The following IPO11 variants were observed in gnomAD, a reference collection of about 807,000 sequenced individuals.
IPO11 encodes the protein importin-11.
IPO11 carries 66 observed loss-of-function variants against 143.2 expected under a neutral mutation model. The observed-to-expected ratio is 0.46, with a 90% CI of 0.38 to 0.57. The LOEUF is 0.57. IPO11 is among the 20% of genes least tolerant of loss of function. The pLI, the probability that IPO11 is intolerant of heterozygous loss-of-function variation, is 0.00. For synonymous variants in IPO11, 385 were observed against 377.8 expected (o/e 1.02, Z -0.22); for missense variants, 1,026 against 1,141.0 (o/e 0.90, Z 1.45).
At chr5:62,557,434 C>T (rs1418671969) in intron 26 of IPO11, among the ~76,000 whole-genome samples, 6 of 152,204 alleles carry the variant, frequency 3.9e-5, no homozygotes, top group African/African-American at 1.2e-4. Context: ...CCACCCGCCT[C>T]GGCCTCCCAA....
intron 27 of IPO11, among the ~76,000 whole-genome samples, chr5:62,574,717 A>C (rs1397808310): frequency 6.6e-6 from 1 of 152,198 alleles, no homozygotes; most frequent in Non-Finnish European, 1.5e-5. Context: ...CGCAATGAGG[A>C]TGGTACCTAA....
intron 28 of IPO11, chr5:62,601,464 A>C (rs745312831): frequency 2.4e-5 from 5 of 208,806 alleles, no homozygotes; most frequent in Non-Finnish European, 4.7e-5. Flanking sequence ...AAGTGTATAC[A>C]TGCATTACTT....
chr5:62,426,739 G>A (rs1743756091), intron 1 of IPO11, among the ~76,000 whole-genome samples: 1 of 150,818 alleles, frequency 6.6e-6, no homozygotes, highest in Non-Finnish European at 1.5e-5. Flanking sequence ...ATAATTTGAT[G>A]TGTTTACTGC....
intron 19 of IPO11, among the ~76,000 whole-genome samples, chr5:62,513,881 G>A (rs1417598222): frequency 3.3e-5 from 5 of 150,146 alleles, no homozygotes; most frequent in African/African-American, 7.4e-5. Context: ...CAGACGGGGC[G>A]GCCGGGCAGA....
chr5:62,536,857 G>C (rs902544152), intron 23 of IPO11, 76 bp downstream of exon 23: 11 of 1,320,006 alleles, frequency 8.3e-6, no homozygotes, highest in Non-Finnish European at 1.1e-5. Flanking sequence ...CAGGGGGTAC[G>C]TTTTCAAAAT....
chr5:62,437,094 T>A (rs1326924427), intron 1 of IPO11, among the ~76,000 whole-genome samples, 180 bp from the exon 2 acceptor site: 1 of 152,148 alleles, frequency 6.6e-6, no homozygotes, highest in Non-Finnish European at 1.5e-5. Flanking sequence ...AAAAATAATT[T>A]GATTATGAAT....
rs559777341 is a variant in IPO11, at chr5:62,559,245, G to A, written c.2461-1891G>A. On this transcript the variant is annotated intron_variant, in intron 26 of 29. Coordinates refer to ENST00000325324, the MANE Select transcript of IPO11 (RefSeq NM_016338.5). ...TTCACGAATGAGAGGATTGACTCCA[G>A]TTGTGACAGAAATTCTACTGAAGAC... 4.0e-3 allele frequency among the ~76,000 whole-genome samples: 615 copies of A among 152,216 alleles called. 6 individuals are homozygous for A. The highest frequency in any genetic ancestry group is 3.0e-3 in the Non-Finnish European group (205 of 68,032).
intron 27 of IPO11, among the ~76,000 whole-genome samples, chr5:62,565,502 A>T (rs527301197): frequency 6.6e-6 from 1 of 152,222 alleles, no homozygotes; most frequent in South Asian, 2.1e-4. Flanking sequence ...AACAAAACAA[A>T]ACAAAACCGA....
Position 62,627,342 on chromosome 5 carries a change from C to G in IPO11, c.*24C>G. 1 of 1,592,436 alleles carries G rather than the reference C, an allele frequency of 6.3e-7. No homozygotes were observed. On this transcript the variant is annotated 3_prime_UTR_variant, in exon 30 of 30. Transcript: ENST00000325324. ...AAGAGCACATGACATGTGGCTGCCTCCCCTTTCAGAAACAAGCTGAGTAAC... is the reference window on the plus strand; with the variant it reads ...AAGAGCACATGACATGTGGCTGCCTGCCCTTTCAGAAACAAGCTGAGTAAC...
intron 1 of IPO11, among the ~76,000 whole-genome samples, chr5:62,414,818 AGGTAATGCACAAACC>A (rs1743230642): frequency 1.3e-5 from 2 of 152,222 alleles, no homozygotes; most frequent in Non-Finnish European, 2.9e-5. Context: ...AAGAACACTG[AGGTAATGCACAAACC>A]GGTATAAAAA....
At position 62,451,753 on chromosome 5, in the gene IPO11, C is replaced by G. The variant is rs34933123; in HGVS notation, c.336C>G (p.Leu112=). 2,701 of 1,614,056 alleles carry G rather than the reference C, an allele frequency of 1.7e-3. 43 individuals carry two copies. The African/African-American group carries it at 0.032, about 19-fold the overall frequency. The change falls in exon 5 of 30, where the codon CTC becomes CTG. Residue 112 remains leucine (L), a synonymous_variant. Transcript: ENST00000325324. ...INQIATQIAV[L]IAKVARLDCP... ...AGATTGCAACTCAGATTGCAGTGCT[C>G]ATTGCAAAAGTTGCTAGATTGGATT...
chr5:62,527,529 G>T (rs770000443), intron 21 of IPO11, among the ~76,000 whole-genome samples: 4 of 152,202 alleles, frequency 2.6e-5, no homozygotes, highest in Middle Eastern at 3.4e-3. Flanking sequence ...AAATAATTTT[G>T]TGCAAACATG....
intron 15 of IPO11, among the ~76,000 whole-genome samples, 162 bp downstream of exon 15, chr5:62,490,382 G>C (rs1746562032): frequency 6.6e-6 from 1 of 152,216 alleles, no homozygotes; most frequent in African/African-American, 2.4e-5. Flanking sequence ...CATCTAGGAA[G>C]TATTTGATAT....
At chr5:62,550,676 A>G (rs1743358925) in intron 25 of IPO11, among the ~76,000 whole-genome samples, 1 of 152,200 alleles carries the variant, frequency 6.6e-6, no homozygotes, top group African/African-American at 2.4e-5. Flanking sequence ...ATATGCATGT[A>G]TGTTCACACA....
intron 27 of IPO11, chr5:62,561,817 G>A (rs1288984846): frequency 1.3e-5 from 2 of 151,968 alleles, no homozygotes; most frequent in African/African-American, 4.8e-5. Context: ...TGTGGAGTTC[G>A]GCATGAAATA....
At chr5:62,559,310 A>G (rs1208358721) in intron 26 of IPO11, among the ~76,000 whole-genome samples, 1 of 152,124 alleles carries the variant, frequency 6.6e-6, no homozygotes, top group Non-Finnish European at 1.5e-5. Context: ...AAAATAAAAG[A>G]GGATTGAAGC....
chr5:62,547,098 G>C (rs549673998), intron 24 of IPO11, among the ~76,000 whole-genome samples: 7 of 152,282 alleles, frequency 4.6e-5, no homozygotes, highest in Non-Finnish European at 1.0e-4. Context: ...AGCTATTTGA[G>C]AAGAATATTT....
At chr5:62,450,676 A>AC (rs992680558) in intron 4 of IPO11, among the ~76,000 whole-genome samples, 1 of 150,344 alleles carries the variant, frequency 6.7e-6, no homozygotes, top group Non-Finnish European at 1.5e-5. Context: ...AAAAAAAAAA[A>AC]ACAACTCAGA....
chr5:62,536,590 A>C (rs964944467), intron 22 of IPO11, 112 bp from the exon 23 acceptor site: 2 of 1,225,110 alleles, frequency 1.6e-6, no homozygotes, highest in Admixed American at 7.0e-5. Context: ...TACTCGGAAG[A>C]GGTTTCTAGA....
Sources: gnomAD v4.1 joint callset for allele counts (sites outside exome capture counted in the v4.1 genomes callset) on GRCh38, gnomAD v4.1.1 for gene constraint, MANE v1.5 for transcripts, NCBI Gene and HGNC (gene_info 2026-07-23, HGNC 2026-07-21) for gene names.